MMP26: variants seen among roughly 807,000 people sequenced by gnomAD.
The protein encoded by MMP26 is matrix metallopeptidase 26.
In MMP26, 33 loss-of-function variants were observed where a neutral mutation model predicts 31.0. That is an observed-to-expected ratio of 1.06 (90% CI 0.81 to 1.42). The LOEUF is 1.42. MMP26 is among the 40% of genes most tolerant of loss of function. The probability of loss-of-function intolerance (pLI) is 0.00; values close to 1 mark genes in which losing one functional copy is unlikely to be tolerated. For missense variants in MMP26, 347 were observed against 316.1 expected (o/e 1.10, Z -0.74); for synonymous variants, 122 against 114.9 (o/e 1.06, Z -0.40).
At chr11:4,925,721 G>A (rs1011100327) in intron 2 of MMP26, among the ~76,000 whole-genome samples, 1 of 148,078 alleles carries the variant, frequency 6.8e-6, no homozygotes, top group African/African-American at 2.5e-5. Flanking sequence ...GAAATAGGAT[G>A]AAAGTAATAG....
chr11:4,776,656 G>A (rs978458591), intron 2 of MMP26, among the ~76,000 whole-genome samples: 1 of 152,224 alleles, frequency 6.6e-6, no homozygotes, highest in South Asian at 2.1e-4. Flanking sequence ...CAGATTTCCT[G>A]TTGTGTTCTC....
At chr11:4,973,155 A>T (rs941502221) in intron 2 of MMP26, 4 of 207,138 alleles carry the variant, frequency 1.9e-5, no homozygotes, top group Non-Finnish European at 3.2e-5. Flanking sequence ...CAGATGTGGG[A>T]AACACATGTA....
At chr11:4,910,922 A>G (rs1311562131) in intron 2 of MMP26, among the ~76,000 whole-genome samples, 1 of 152,180 alleles carries the variant, frequency 6.6e-6, no homozygotes, top group Non-Finnish European at 1.5e-5. Flanking sequence ...AATCATATCC[A>G]ATTGAAACAT....
At chr11:4,730,651 T>G (rs913713759) in intron 1 of MMP26, among the ~76,000 whole-genome samples, 1 of 152,192 alleles carries the variant, frequency 6.6e-6, no homozygotes, top group Non-Finnish European at 1.5e-5. Context: ...TCTCTGGATC[T>G]CTATCACAAT....
chr11:4,790,880 C>G (rs1209852183), intron 2 of MMP26, among the ~76,000 whole-genome samples: 3 of 152,158 alleles, frequency 2.0e-5, no homozygotes, highest in African/African-American at 2.4e-5. Context: ...AATAAAGGTG[C>G]TAAGACCTTC....
intron 2 of MMP26, among the ~76,000 whole-genome samples, chr11:4,788,138 A>T (rs975474108): frequency 2.0e-5 from 3 of 152,202 alleles, no homozygotes; most frequent in African/African-American, 7.2e-5. Flanking sequence ...ACAGGCACAC[A>T]GCACATTGGA....
At chr11:4,960,952 G>A (rs1271783131) in intron 2 of MMP26, among the ~76,000 whole-genome samples, 2 of 152,090 alleles carry the variant, frequency 1.3e-5, no homozygotes, top group Non-Finnish European at 2.9e-5. Flanking sequence ...AAGTCAAAAA[G>A]GGAAATGTAT....
At chr11:4,782,282 G>T (rs188440750) in intron 2 of MMP26, among the ~76,000 whole-genome samples, 2 of 152,290 alleles carry the variant, frequency 1.3e-5, no homozygotes, top group East Asian at 3.9e-4. Flanking sequence ...AGGCTGAGGT[G>T]GTCTTGGATG....
At position 4,834,474 on chromosome 11, in the gene MMP26, T is replaced by G. The variant is rs542359388; in HGVS notation, c.-145+67133T>G. 2.0e-5 allele frequency among the ~76,000 whole-genome samples: 3 copies of G among 152,314 alleles called. No homozygotes were observed. In the East Asian group the frequency reaches 5.8e-4, roughly 29 times the overall value. On this transcript the variant is annotated intron_variant, in intron 2 of 7. Transcript: ENST00000380390. The stretch of plus-strand genomic sequence containing the variant: ...GACTGTGCAATCCTTATTTACTACA[T>G]CAGGGTCCAGGATCACTCCTAAAGA...
chr11:4,795,079 GGATAAT>G (rs1849087553), intron 2 of MMP26: 1 of 152,166 alleles, frequency 6.6e-6, no homozygotes, highest in Non-Finnish European at 1.5e-5. Context: ...ACCAATAAAA[GGATAAT>G]GTCTTAGGTT....
At chr11:4,843,937 A>G (rs1423598176) in intron 2 of MMP26, among the ~76,000 whole-genome samples, 1 of 152,236 alleles carries the variant, frequency 6.6e-6, no homozygotes, top group African/African-American at 2.4e-5. Context: ...GCAGAAATAA[A>G]TAAAATTGAA....
chr11:4,940,362 A>G (rs1419307242), intron 2 of MMP26, among the ~76,000 whole-genome samples: 4 of 152,138 alleles, frequency 2.6e-5, no homozygotes, highest in Middle Eastern at 3.2e-3. Context: ...AAATTCTACA[A>G]TACGCTTAAT....
intron 1 of MMP26, among the ~76,000 whole-genome samples, chr11:4,726,393 C>T (rs564986376): frequency 1.3e-5 from 2 of 151,304 alleles, no homozygotes; most frequent in South Asian, 2.1e-4. Context: ...ACCCGGGAGA[C>T]GGAGGTTGAA....
At chr11:4,913,329 A>G (rs1851020669) in intron 2 of MMP26, 1 of 152,184 alleles carries the variant, frequency 6.6e-6, no homozygotes, top group Non-Finnish European at 1.5e-5. Context: ...CTCAGGTGAG[A>G]ACTGGTCCAC....
At chr11:4,811,408 A>C (rs569114104) in intron 2 of MMP26, among the ~76,000 whole-genome samples, 4 of 152,204 alleles carry the variant, frequency 2.6e-5, no homozygotes, top group South Asian at 2.1e-4. Flanking sequence ...CTTTGTGTCC[A>C]TGTGTACACA....
chr11:4,915,957 T>G (rs1335784759), intron 2 of MMP26, among the ~76,000 whole-genome samples: 1 of 152,168 alleles, frequency 6.6e-6, no homozygotes, highest in Non-Finnish European at 1.5e-5. Context: ...CCCTTTTTGC[T>G]CTTTTCTGAC....
intron 2 of MMP26, among the ~76,000 whole-genome samples, chr11:4,827,831 C>A (rs1435069784): frequency 2.7e-5 from 4 of 150,774 alleles, no homozygotes; most frequent in Admixed American, 2.6e-4. Context: ...TTGTTTTTCT[C>A]CCTAAAAAAA....
intron 2 of MMP26, chr11:4,912,555 T>C (rs929401514): frequency 3.3e-5 from 5 of 152,148 alleles, no homozygotes; most frequent in African/African-American, 1.2e-4. Flanking sequence ...ACAGGCATAT[T>C]TTATTCAATT....
At chr11:4,740,638 G>T (rs985357191) in intron 1 of MMP26, among the ~76,000 whole-genome samples, 1 of 149,132 alleles carries the variant, frequency 6.7e-6, no homozygotes, top group Non-Finnish European at 1.5e-5. Flanking sequence ...AGCCGAGATT[G>T]CACCACTGCA....
Sources: gnomAD v4.1 joint callset for allele counts (sites outside exome capture counted in the v4.1 genomes callset) on GRCh38, gnomAD v4.1.1 for gene constraint, MANE v1.5 for transcripts, NCBI Gene and HGNC (gene_info 2026-07-23, HGNC 2026-07-21) for gene names.